FOXP2: variants seen among roughly 807,000 people sequenced by gnomAD.
FOXP2 encodes forkhead box protein P2.
In FOXP2, 12 loss-of-function variants were observed where a neutral mutation model predicts 115.8. The ratio of observed to expected loss-of-function variants is 0.10; its 90% CI spans 0.07 to 0.17. The LOEUF is 0.17. Among genes scored for constraint, FOXP2 ranks in the 10% least tolerant of loss-of-function variants. The probability of loss-of-function intolerance (pLI) is 1.00; values close to 1 mark genes in which losing one functional copy is unlikely to be tolerated. For missense variants in FOXP2, 629 were observed against 843.5 expected (o/e 0.75, Z 3.15); for synonymous variants, 328 against 297.7 (o/e 1.10, Z -1.05).
At chr7:114,648,478 A>G (rs1246695724) in intron 8 of FOXP2, among the ~76,000 whole-genome samples, 1 of 152,176 alleles carries the variant, frequency 6.6e-6, no homozygotes, top group Non-Finnish European at 1.5e-5. Context: ...AGCTTATAAA[A>G]TGCTACAACT....
intron 2 of FOXP2, chr7:114,297,337 C>A: frequency 1.6e-6 from 1 of 625,604 alleles, no homozygotes; most frequent in Non-Finnish European, 2.9e-6. Context: ...GTCAGGCGCC[C>A]GTGGTGGCGG....
rs375239617 is a variant in FOXP2, at chr7:114,534,215, G to A, written c.169-402G>A. ...TTTGTCAAATTTAATTACAGCTTCC[G>A]GTAACACTTGAAGTCTACTGCTTTT... On this transcript the variant is annotated intron_variant, in intron 2 of 16. Transcript: ENST00000350908. Among the ~76,000 whole-genome samples, 38 of 151,840 alleles carry A rather than the reference G, an allele frequency of 2.5e-4. No individual in the cohort carries two copies. In the East Asian group the frequency reaches 3.9e-3, roughly 15 times the overall value.
intron 2 of FOXP2, among the ~76,000 whole-genome samples, chr7:114,515,404 G>C (rs1187678691): frequency 1.3e-5 from 2 of 150,200 alleles, no homozygotes; most frequent in African/African-American, 4.9e-5. Context: ...TTTAATGATT[G>C]CCATTCTAAC....
chr7:114,368,256 G>A (rs1305592396), intron 2 of FOXP2, among the ~76,000 whole-genome samples: 1 of 151,788 alleles, frequency 6.6e-6, no homozygotes, highest in African/African-American at 2.4e-5. Flanking sequence ...AACAAAATTG[G>A]GTATTTCATA....
chr7:114,615,168 G>A (rs1339082204), intron 3 of FOXP2, among the ~76,000 whole-genome samples: 6 of 152,114 alleles, frequency 3.9e-5, no homozygotes, highest in Non-Finnish European at 5.9e-5. Flanking sequence ...GCAGTGAGCC[G>A]AGATCGTGCC....
chr7:114,498,869 C>CT, intron 2 of FOXP2: 1 of 717,916 alleles, frequency 1.4e-6, no homozygotes. Context: ...TGTTGGGCAT[C>CT]TTTCTTTCCT....
chr7:114,283,210 T>C (rs1318099249), intron 1 of FOXP2, among the ~76,000 whole-genome samples: 1 of 152,182 alleles, frequency 6.6e-6, no homozygotes, highest in East Asian at 1.9e-4. Flanking sequence ...TACCCTGTTT[T>C]GAGAAAATTA....
At chr7:114,180,903 C>T (rs1793438301) in intron 1 of FOXP2, among the ~76,000 whole-genome samples, 1 of 151,720 alleles carries the variant, frequency 6.6e-6, no homozygotes, top group Non-Finnish European at 1.5e-5. Flanking sequence ...CACTAGGTAA[C>T]AAAAATTACC....
At chr7:114,472,111 G>C (rs1049493663) in intron 2 of FOXP2, among the ~76,000 whole-genome samples, 5 of 152,144 alleles carry the variant, frequency 3.3e-5, no homozygotes, top group Non-Finnish European at 5.9e-5. Flanking sequence ...GATATGACTA[G>C]CTGAAAGGGT....
At chr7:114,253,023 T>C (rs74729193) in intron 1 of FOXP2, among the ~76,000 whole-genome samples, 1 of 152,184 alleles carries the variant, frequency 6.6e-6, no homozygotes, top group Non-Finnish European at 1.5e-5. Context: ...AAGAACATCA[T>C]TATTTCTGCC....
chr7:114,153,446 A>T (rs918050480), intron 1 of FOXP2, among the ~76,000 whole-genome samples: 1 of 152,178 alleles, frequency 6.6e-6, no homozygotes, highest in African/African-American at 2.4e-5. Context: ...TATGACGTAG[A>T]AAGTAATGTT....
At chr7:114,303,663 A>G (rs1796931299) in intron 2 of FOXP2, among the ~76,000 whole-genome samples, 1 of 152,140 alleles carries the variant, frequency 6.6e-6, no homozygotes, top group African/African-American at 2.4e-5. Context: ...CTGCCTTAGA[A>G]ATATGAAACT....
chr7:114,271,619 A>T (rs1278170790), intron 1 of FOXP2, among the ~76,000 whole-genome samples: 1 of 122,886 alleles, frequency 8.1e-6, no homozygotes, highest in Non-Finnish European at 1.6e-5. Context: ...TATAATAAAT[A>T]ATTATATTAT....
chr7:114,652,167 A>G (rs889558838), intron 8 of FOXP2, 36 bp from the exon 9 acceptor site: 47 of 1,598,664 alleles, frequency 2.9e-5, no homozygotes, highest in African/African-American at 4.0e-5. Flanking sequence ...GATCGACATC[A>G]CTTTACATTC....
At chr7:114,280,848 G>A (rs1796317906) in intron 1 of FOXP2, among the ~76,000 whole-genome samples, 1 of 152,028 alleles carries the variant, frequency 6.6e-6, no homozygotes, top group Non-Finnish European at 1.5e-5. Flanking sequence ...TGCTGTTATA[G>A]TTGGTATTAC....
chr7:114,283,231 A>G lies in FOXP2; in HGVS notation c.-101-4788A>G, dbSNP rs1324991591. On this transcript the variant is annotated intron_variant, in intron 1 of 17. Coordinates refer to the FOXP2 transcript ENST00000634411. Reference sequence around the variant, plus strand: ...GTTTTGAGAAAATTAAATAATCCTTAGTTCTCACCATTATTCAGGAAACCA... The same window carrying G: ...GTTTTGAGAAAATTAAATAATCCTTGGTTCTCACCATTATTCAGGAAACCA... 3.3e-5 allele frequency among the ~76,000 whole-genome samples: 5 copies of G among 152,166 alleles called. No individual in the cohort carries two copies. The East Asian group carries it at 7.7e-4, about 23-fold the overall frequency.
At chr7:114,345,955 T>C (rs570387023) in intron 2 of FOXP2, among the ~76,000 whole-genome samples, 1 of 151,892 alleles carries the variant, frequency 6.6e-6, no homozygotes, top group Admixed American at 6.6e-5. Context: ...CATTATACCT[T>C]TTTAATATTT....
chr7:114,095,285 G>A (rs1036226298), intron 1 of FOXP2, among the ~76,000 whole-genome samples: 1 of 152,050 alleles, frequency 6.6e-6, no homozygotes, highest in African/African-American at 2.4e-5. Context: ...GAAATGCATG[G>A]AATCAAATCT....
chr7:114,089,061 G>T (rs1799489320), intron 1 of FOXP2, among the ~76,000 whole-genome samples: 1 of 151,964 alleles, frequency 6.6e-6, no homozygotes. Context: ...CTTTTCTCTT[G>T]CCTGCTTAAC....
Sources: allele counts gnomAD v4.1 joint callset (sites outside exome capture counted in the v4.1 genomes callset), GRCh38; gene constraint gnomAD v4.1.1; transcripts MANE v1.5; gene names NCBI Gene and HGNC (gene_info 2026-07-23, HGNC 2026-07-21).